The following PRICKLE1 variants were observed in gnomAD, a reference collection of about 807,000 sequenced individuals.
PRICKLE1 encodes prickle-like protein 1.
A neutral mutation model predicts 70.2 loss-of-function variants in PRICKLE1; 14 were observed. The ratio of observed to expected loss-of-function variants is 0.20; its 90% CI spans 0.13 to 0.31. The LOEUF (loss-of-function observed/expected upper bound fraction) is 0.31, where lower values mean the gene tolerates loss of function less well. Among genes scored for constraint, PRICKLE1 ranks in the 10% least tolerant of loss-of-function variants. The pLI is 1.00. For synonymous variants in PRICKLE1, 357 were observed against 379.9 expected (o/e 0.94, Z 0.70); for missense variants, 821 against 1,026.2 (o/e 0.80, Z 2.73).
chr12:42,536,868 T>C (rs563534032), intron 1 of PRICKLE1, among the ~76,000 whole-genome samples: 2 of 152,298 alleles, frequency 1.3e-5, no homozygotes, highest in Admixed American at 6.5e-5. Flanking sequence ...TGAGGACTCA[T>C]TAAGTTTCAT....
intron 1 of PRICKLE1, among the ~76,000 whole-genome samples, chr12:42,551,386 T>C (rs1324446067): frequency 1.3e-5 from 2 of 152,192 alleles, no homozygotes; most frequent in African/African-American, 4.8e-5. Flanking sequence ...AACAGGAAGA[T>C]TGTTGTAAGC....
intron 1 of PRICKLE1, among the ~76,000 whole-genome samples, chr12:42,531,069 C>T (rs1289652246): frequency 8.5e-6 from 1 of 117,526 alleles, no homozygotes; most frequent in Admixed American, 9.9e-5. Context: ...TTTTTTTTGA[C>T]GGAGTCTCGC....
At chr12:42,472,874 T>C (rs564464135) in intron 1 of PRICKLE1, among the ~76,000 whole-genome samples, 1 of 152,322 alleles carries the variant, frequency 6.6e-6, no homozygotes, top group South Asian at 2.1e-4. Context: ...AGAAAGTTGA[T>C]GTGTTGACTT....
chr12:42,563,702 CAAAA>C (rs11367725), intron 1 of PRICKLE1, among the ~76,000 whole-genome samples: 1 of 46,502 alleles, frequency 2.2e-5, no homozygotes. Context: ...GACTCTGTCT[CAAAA>C]AAAAAAAAAA....
chr12:42,467,889 G>A (rs1938165058), intron 5 of PRICKLE1, among the ~76,000 whole-genome samples: 1 of 152,192 alleles, frequency 6.6e-6, no homozygotes, highest in South Asian at 2.1e-4. Context: ...GATACAACGA[G>A]TAAATGCAAT....
chr12:42,495,852 G>A (rs71453361), intron 1 of PRICKLE1, among the ~76,000 whole-genome samples: 9,728 of 152,180 alleles, frequency 0.064, 334 homozygotes, highest in African/African-American at 0.095. Context: ...CTCGGCCTCC[G>A]AAAGTGCCGG....
intron 1 of PRICKLE1, among the ~76,000 whole-genome samples, chr12:42,557,543 C>T (rs1017764371): frequency 2.0e-5 from 3 of 152,162 alleles, no homozygotes; most frequent in African/African-American, 7.2e-5. Context: ...ATCAAAGTAA[C>T]AAACAGAACT....
At chr12:42,530,640 TG>T (rs1459975204) in intron 1 of PRICKLE1, among the ~76,000 whole-genome samples, 1 of 151,444 alleles carries the variant, frequency 6.6e-6, no homozygotes, top group Non-Finnish European at 1.5e-5. Flanking sequence ...GAGGCTCTCT[TG>T]GCCATTTTAG....
chr12:42,460,856 G>A (rs1937803520), intron 7 of PRICKLE1, 191 bp from the exon 8 acceptor site: 1 of 665,496 alleles, frequency 1.5e-6, no homozygotes, highest in African/African-American at 1.8e-5. Flanking sequence ...TTGTTATAAG[G>A]GGTGGGCACA....
intron 1 of PRICKLE1, among the ~76,000 whole-genome samples, chr12:42,501,381 G>T (rs1049686430): frequency 2.0e-5 from 3 of 151,790 alleles, no homozygotes; most frequent in African/African-American, 4.8e-5. Context: ...ATGGAGGCGC[G>T]TGCCTGTAGT....
chr12:42,467,306 G>A (rs559951332), intron 5 of PRICKLE1, among the ~76,000 whole-genome samples: 11 of 152,096 alleles, frequency 7.2e-5, no homozygotes, highest in Admixed American at 2.6e-4. Context: ...CAGTAGAGAC[G>A]GGGTTTCACC....
At chr12:42,482,264 A>C (rs1938818493) in intron 1 of PRICKLE1, among the ~76,000 whole-genome samples, 1 of 152,276 alleles carries the variant, frequency 6.6e-6, no homozygotes, top group East Asian at 1.9e-4. Context: ...AAAGGAGGAA[A>C]CATGACGACA....
chr12:42,568,783 T>C (rs953254381), intron 1 of PRICKLE1, among the ~76,000 whole-genome samples: 8 of 152,224 alleles, frequency 5.3e-5, no homozygotes, highest in Non-Finnish European at 8.8e-5. Flanking sequence ...AGTGTAGCCA[T>C]CACCTGAACA....
chr12:42,552,897 C>T (rs1940341975), intron 1 of PRICKLE1, among the ~76,000 whole-genome samples: 1 of 152,144 alleles, frequency 6.6e-6, no homozygotes, highest in Non-Finnish European at 1.5e-5. Context: ...AAGAAGCGCG[C>T]AATCTAGGGA....
chr12:42,582,756 T>A (rs1940925035), intron 1 of PRICKLE1, among the ~76,000 whole-genome samples: 1 of 152,226 alleles, frequency 6.6e-6, no homozygotes, highest in African/African-American at 2.4e-5. Context: ...GCTTTGAATG[T>A]GGTCCAACAC....
At chr12:42,566,691 T>C (rs759603816) in intron 1 of PRICKLE1, among the ~76,000 whole-genome samples, 19 of 152,206 alleles carry the variant, frequency 1.2e-4, no homozygotes, top group Non-Finnish European at 2.5e-4. Context: ...AATTTCTCTC[T>C]TTCTCTCTCC....
At chr12:42,467,681 G>C (rs1225450513) in intron 5 of PRICKLE1, among the ~76,000 whole-genome samples, 3 of 152,140 alleles carry the variant, frequency 2.0e-5, no homozygotes, top group African/African-American at 4.8e-5. Context: ...GCGGGGCGGA[G>C]GTTGCAGTGA....
intron 1 of PRICKLE1, among the ~76,000 whole-genome samples, chr12:42,580,045 GT>G (rs544335911): frequency 1.3e-5 from 2 of 150,164 alleles, no homozygotes; most frequent in Admixed American, 1.3e-4. Context: ...CTAATTTTTT[GT>G]TTTTTTTTAG....
intron 1 of PRICKLE1, among the ~76,000 whole-genome samples, chr12:42,578,743 T>TTTATTTA (rs575297488): frequency 6.8e-6 from 1 of 146,184 alleles, no homozygotes; most frequent in South Asian, 2.2e-4. Context: ...GTTTATTTCA[T>TTTATTTA]TTTATTTATT....
Sources: gnomAD v4.1 joint callset for allele counts (sites outside exome capture counted in the v4.1 genomes callset) on GRCh38, gnomAD v4.1.1 for gene constraint, MANE v1.5 for transcripts, NCBI Gene and HGNC (gene_info 2026-07-23, HGNC 2026-07-21) for gene names.